NRXN1: variants seen among roughly 807,000 people sequenced by gnomAD.
NRXN1 encodes the protein neurexin-1.
Under a neutral mutation model 150.9 loss-of-function variants are expected in NRXN1, and 39 were observed. The observed-to-expected ratio is 0.26, with a 90% confidence interval of 0.20 to 0.34. The LOEUF is 0.34. Among genes scored for constraint, NRXN1 ranks in the 10% least tolerant of loss-of-function variants. NRXN1 has a pLI of 1.00. For synonymous variants in NRXN1, 924 were observed against 757.0 expected (o/e 1.22, Z -3.62); for missense variants, 1,815 against 1,949.9 (o/e 0.93, Z 1.30).
chr2:50,341,274 G>A (rs185789115), intron 17 of NRXN1, among the ~76,000 whole-genome samples: 1 of 152,208 alleles, frequency 6.6e-6, no homozygotes, highest in East Asian at 1.9e-4. Flanking sequence ...GTTCAAAGTG[G>A]TAACTGAATT....
intron 17 of NRXN1, among the ~76,000 whole-genome samples, chr2:50,460,156 C>A (rs987195557): frequency 6.6e-6 from 1 of 152,004 alleles, no homozygotes; most frequent in South Asian, 2.1e-4. Flanking sequence ...CACAGTAAGA[C>A]CAACATTGAA....
At chr2:50,075,889 C>T (rs935863203) in intron 19 of NRXN1, among the ~76,000 whole-genome samples, 2 of 152,142 alleles carry the variant, frequency 1.3e-5, no homozygotes, top group African/African-American at 4.8e-5. Context: ...AGCCTCGACT[C>T]ATCCCCTCCG....
chr2:50,610,220 C>T (rs1212794610), intron 8 of NRXN1, among the ~76,000 whole-genome samples: 1 of 152,044 alleles, frequency 6.6e-6, no homozygotes, highest in Non-Finnish European at 1.5e-5. Context: ...AAAAATATGG[C>T]TCAAACTTAG....
intron 19 of NRXN1, among the ~76,000 whole-genome samples, chr2:50,084,805 C>A (rs969032710): frequency 6.6e-6 from 1 of 152,002 alleles, no homozygotes; most frequent in African/African-American, 2.4e-5. Context: ...TTAAAAAATC[C>A]AAGTCATTGA....
At chr2:50,292,431 A>G (rs2073039205) in intron 17 of NRXN1, among the ~76,000 whole-genome samples, 1 of 152,182 alleles carries the variant, frequency 6.6e-6, no homozygotes, top group Non-Finnish European at 1.5e-5. Context: ...AGTCATTTTC[A>G]TCCTTTAACA....
chr2:50,823,754 T>C (rs1670060142), intron 5 of NRXN1, among the ~76,000 whole-genome samples: 1 of 152,180 alleles, frequency 6.6e-6, no homozygotes, highest in Non-Finnish European at 1.5e-5. Context: ...TAATTGGTTA[T>C]TTATTGCTTG....
At chr2:50,899,729 G>A (rs758099333) in intron 5 of NRXN1, among the ~76,000 whole-genome samples, 1 of 152,062 alleles carries the variant, frequency 6.6e-6, no homozygotes, top group Non-Finnish European at 1.5e-5. Flanking sequence ...GAATTTATAG[G>A]TTCTTATGAC....
In NRXN1 at chr2:50,925,065, T is replaced by C. The variant is rs373570177; in HGVS notation, c.790+873A>G. ...ATATTAGTAAATTAGTAAATCTTTATGTAGGAACTGTTAATGCTGTGAATA... is the reference window on the plus strand; with the variant it reads ...ATATTAGTAAATTAGTAAATCTTTACGTAGGAACTGTTAATGCTGTGAATA... On this transcript the variant is annotated intron_variant, in intron 3 of 22. Transcript: ENST00000401669. Among the ~76,000 whole-genome samples, 6 of 151,984 alleles carry C rather than the reference T, an allele frequency of 3.9e-5. No homozygotes were observed. The East Asian group carries it at 9.7e-4, about 25-fold the overall frequency.
intron 17 of NRXN1, among the ~76,000 whole-genome samples, chr2:50,421,147 A>C (rs1558701502): frequency 2.6e-5 from 4 of 151,970 alleles, no homozygotes. Flanking sequence ...GGTATTTTTC[A>C]TGTCAAAGGA....
chr2:50,135,860 A>C (rs1380857320), intron 18 of NRXN1, among the ~76,000 whole-genome samples: 1 of 152,228 alleles, frequency 6.6e-6, no homozygotes, highest in Non-Finnish European at 1.5e-5. Context: ...ACTGAGGAAA[A>C]AGAAGTATTC....
At position 50,829,724 on chromosome 2, in the gene NRXN1, G is replaced by A. The variant is rs928596686; in HGVS notation, c.832+92145C>T. On this transcript the variant is annotated intron_variant, in intron 5 of 22. Coordinates refer to ENST00000401669, the MANE Select transcript of NRXN1 (RefSeq NM_001330078.2). ...CCCGCACACCCAGAGCTCGCCCACG[G>A]TTGGCAGCGCCCAAGGTTGCACGGC... 1.7e-5 allele frequency: 27 copies of A among 1,591,750 alleles called. No individual in the cohort carries two copies. In the African/African-American group the frequency reaches 3.0e-4, roughly 17 times the overall value.
chr2:49,974,164 A>G, intron 21 of NRXN1: 2 of 712,076 alleles, frequency 2.8e-6, no homozygotes, highest in South Asian at 1.5e-5. Flanking sequence ...CCGGCCTATC[A>G]GTGCCCTGCA....
intron 5 of NRXN1, among the ~76,000 whole-genome samples, chr2:50,795,269 G>C (rs988335421): frequency 6.6e-6 from 1 of 152,082 alleles, no homozygotes; most frequent in African/African-American, 2.4e-5. Context: ...GGTCTCATGT[G>C]ATGCTGACGC....
chr2:50,201,970 T>C (rs952393594), intron 18 of NRXN1, among the ~76,000 whole-genome samples: 1 of 152,244 alleles, frequency 6.6e-6, no homozygotes, highest in African/African-American at 2.4e-5. Context: ...CCTAGGACTA[T>C]CAAGTCTACT....
chr2:50,789,144 T>C (rs547476521), intron 5 of NRXN1, among the ~76,000 whole-genome samples: 4 of 152,216 alleles, frequency 2.6e-5, no homozygotes, highest in South Asian at 2.1e-4. Context: ...ACATTGTGTA[T>C]ACATTTTCAT....
chr2:49,924,048 T>C (rs1458354936), intron 22 of NRXN1, among the ~76,000 whole-genome samples: 1 of 152,218 alleles, frequency 6.6e-6, no homozygotes, highest in African/African-American at 2.4e-5. Context: ...ACTCTGTCAC[T>C]ACCTGACAAA....
At chr2:49,948,027 T>G (rs1673261950) in intron 21 of NRXN1, among the ~76,000 whole-genome samples, 1 of 152,078 alleles carries the variant, frequency 6.6e-6, no homozygotes, top group Non-Finnish European at 1.5e-5. Context: ...AGGTCTCATG[T>G]TAAAATTTGT....
chr2:50,578,189 T>C (rs1447354186), intron 8 of NRXN1, among the ~76,000 whole-genome samples: 1 of 152,212 alleles, frequency 6.6e-6, no homozygotes, highest in Non-Finnish European at 1.5e-5. Flanking sequence ...TTGTGCTTTT[T>C]GTTTTTAGAG....
intron 2 of NRXN1, among the ~76,000 whole-genome samples, chr2:51,016,147 T>G (rs1368791646): frequency 6.6e-6 from 1 of 152,042 alleles, no homozygotes; most frequent in East Asian, 1.9e-4. Flanking sequence ...TAATAAACCA[T>G]AAAGATCCTT....
Sources: gnomAD v4.1 joint callset for allele counts (sites outside exome capture counted in the v4.1 genomes callset) on GRCh38, gnomAD v4.1.1 for gene constraint, MANE v1.5 for transcripts, NCBI Gene and HGNC (gene_info 2026-07-23, HGNC 2026-07-21) for gene names.